Variants in ATP2C1 observed in about 807,000 individuals in gnomAD.
The protein encoded by ATP2C1 is calcium-transporting ATPase type 2C member 1.
Under a neutral mutation model 120.5 loss-of-function variants are expected in ATP2C1, and 31 were observed. The ratio of observed to expected loss-of-function variants is 0.26; its 90% CI spans 0.19 to 0.35. ATP2C1 has a LOEUF of 0.35. ATP2C1 is among the 10% of genes least tolerant of loss of function. The pLI, the probability that ATP2C1 is intolerant of heterozygous loss-of-function variation, is 1.00. For synonymous variants in ATP2C1, 351 were observed against 358.7 expected (o/e 0.98, Z 0.24); for missense variants, 731 against 1,107.5 (o/e 0.66, Z 4.83).
At chr3:130,908,170 A>G (rs1036768897) in intron 2 of ATP2C1, among the ~76,000 whole-genome samples, 2 of 152,156 alleles carry the variant, frequency 1.3e-5, no homozygotes, top group African/African-American at 4.8e-5. Flanking sequence ...AGCAGTAGCT[A>G]TCAGAATAAA....
chr3:130,992,477 A>G (rs2062402424), intron 20 of ATP2C1, among the ~76,000 whole-genome samples: 1 of 152,206 alleles, frequency 6.6e-6, no homozygotes, highest in Non-Finnish European at 1.5e-5. Context: ...AAGAGAGGCT[A>G]ATGAGTTAAC....
At chr3:130,921,033 T>G (rs1158436726) in intron 2 of ATP2C1, among the ~76,000 whole-genome samples, 4 of 152,026 alleles carry the variant, frequency 2.6e-5, no homozygotes, top group Non-Finnish European at 4.4e-5. Flanking sequence ...ACTCAATTTG[T>G]TTATTCTAAC....
chr3:130,941,149 C>T (rs576488341), intron 7 of ATP2C1, among the ~76,000 whole-genome samples: 1 of 151,964 alleles, frequency 6.6e-6, no homozygotes, highest in Non-Finnish European at 1.5e-5. Context: ...CTCCTGACCT[C>T]GTGATCTGCC....
intron 27 of ATP2C1, 63 bp downstream of exon 27, chr3:130,999,722 T>C: frequency 2.1e-6 from 3 of 1,443,910 alleles, no homozygotes; most frequent in Non-Finnish European, 2.9e-6. Flanking sequence ...CTAATGTGTT[T>C]GTTTTAATTT....
At chr3:130,985,140 T>C (rs887526932) in intron 20 of ATP2C1, among the ~76,000 whole-genome samples, 3 of 152,212 alleles carry the variant, frequency 2.0e-5, no homozygotes, top group Admixed American at 6.5e-5. Flanking sequence ...GTACAGTGCT[T>C]ACATACAAAG....
At chr3:130,950,619 A>G (rs563897585) in intron 8 of ATP2C1, among the ~76,000 whole-genome samples, 50 of 152,320 alleles carry the variant, frequency 3.3e-4, no homozygotes, top group Admixed American at 1.4e-3. Context: ...TTCGTATTCA[A>G]CAGATAGTTG....
Position 130,972,203 on chromosome 3 carries a change from A to AG in ATP2C1, c.1413+2809dup, listed in dbSNP as rs566197427. Reference sequence around the variant, plus strand: ...AATCTCAGGCCCTGGCTGACCTGACAGGAGATTGAGCTCAGGCAGTAGTGC... The same window carrying AG: ...AATCTCAGGCCCTGGCTGACCTGACAGGGAGATTGAGCTCAGGCAGTAGTGC... On this transcript the variant is annotated intron_variant, in intron 17 of 27. Coordinates refer to ENST00000510168, the MANE Select transcript of ATP2C1 (RefSeq NM_001378687.1). Among the ~76,000 whole-genome samples, 18 of 152,330 alleles carry AG rather than the reference A, an allele frequency of 1.2e-4. No individual in the cohort carries two copies. In the East Asian group the frequency reaches 3.1e-3, roughly 26 times the overall value.
downstream of ATP2C1, among the ~76,000 whole-genome samples, chr3:131,005,337 C>T (rs2063067351): frequency 6.6e-6 from 1 of 151,944 alleles, no homozygotes; most frequent in African/African-American, 2.4e-5. Context: ...AGGCTGGTCT[C>T]GAACTCCTAA....
intron 2 of ATP2C1, among the ~76,000 whole-genome samples, chr3:130,918,063 T>C (rs559968324): frequency 2.0e-5 from 3 of 152,278 alleles, no homozygotes; most frequent in African/African-American, 4.8e-5. Flanking sequence ...GGATAAGATA[T>C]AGTGCTCCCT....
intron 1 of ATP2C1, among the ~76,000 whole-genome samples, chr3:130,874,083 C>T (rs1232139270): frequency 1.3e-5 from 2 of 149,590 alleles, no homozygotes; most frequent in South Asian, 4.2e-4. Flanking sequence ...GCACTCCTGC[C>T]TGGGTGACAG....
rs540515373 is a variant in ATP2C1 at position 130,959,547 on chromosome 3, T to C, written c.899+206T>C. On this transcript the variant is annotated intron_variant, in intron 12 of 27. Coordinates refer to ENST00000510168, the MANE Select transcript of ATP2C1 (RefSeq NM_001378687.1). Reference sequence around the variant, plus strand: ...ATATGGTAATGAAGAAAACCCATACTAGATGTCTGGAATTACTAATGCATT... The same window carrying C: ...ATATGGTAATGAAGAAAACCCATACCAGATGTCTGGAATTACTAATGCATT... The C allele has an allele frequency of 2.9e-4, 98 of 335,522 alleles. 1 individual carries two copies. The highest frequency in any genetic ancestry group is 1.9e-3 in the African/African-American group (93 of 47,940). The allele number at this position is 335,522 out of a possible 1,614,324, so 20.8% of individuals were successfully genotyped here. A position where few individuals can be genotyped will look rare whatever the true frequency, so the allele number is the denominator to read the frequency against.
chr3:130,948,524 T>C (rs938645082), intron 8 of ATP2C1, among the ~76,000 whole-genome samples: 1 of 152,278 alleles, frequency 6.6e-6, no homozygotes, highest in East Asian at 1.9e-4. Flanking sequence ...TGGATATCTT[T>C]GAGTTTATTA....
At chr3:130,929,990 T>C (rs1009279731) in intron 2 of ATP2C1, 2 of 321,142 alleles carry the variant, frequency 6.2e-6, no homozygotes, top group South Asian at 5.4e-5. Flanking sequence ...GTAGATCAGC[T>C]ATGAGCTGAC....
intron 1 of ATP2C1, among the ~76,000 whole-genome samples, chr3:130,862,742 C>T (rs2068056917): frequency 6.6e-6 from 1 of 152,148 alleles, no homozygotes; most frequent in Non-Finnish European, 1.5e-5. Context: ...ATAACTTAAC[C>T]ATGCACAGGC....
chr3:130,857,252 A>G (rs1234350569), intron 1 of ATP2C1, among the ~76,000 whole-genome samples: 2 of 152,234 alleles, frequency 1.3e-5, no homozygotes, highest in Non-Finnish European at 2.9e-5. Flanking sequence ...GATGCCTGAG[A>G]GTTATCATTG....
intron 1 of ATP2C1, among the ~76,000 whole-genome samples, chr3:130,876,923 A>T (rs768461493): frequency 5.9e-5 from 9 of 152,174 alleles, no homozygotes; most frequent in Non-Finnish European, 8.8e-5. Context: ...TTATTGGCAT[A>T]CAGAAATGCT....
At chr3:130,957,589 C>T (rs1485782400) in intron 11 of ATP2C1, among the ~76,000 whole-genome samples, 1 of 152,108 alleles carries the variant, frequency 6.6e-6, no homozygotes, top group Non-Finnish European at 1.5e-5. Flanking sequence ...TCTTGTTGCT[C>T]AGGCTGAAGT....
chr3:130,918,146 G>C, intron 2 of ATP2C1: 1 of 891,238 alleles, frequency 1.1e-6, no homozygotes, highest in Non-Finnish European at 1.9e-6. Flanking sequence ...TTTTGCAGTA[G>C]TTTAGAAAGA....
chr3:130,861,161 C>T (rs1036948941), intron 1 of ATP2C1, among the ~76,000 whole-genome samples: 2 of 151,998 alleles, frequency 1.3e-5, no homozygotes, highest in South Asian at 2.1e-4. Flanking sequence ...CCTAGTTACT[C>T]GGGAGGCTGA....
Sources: gnomAD v4.1 joint callset for allele counts (sites outside exome capture counted in the v4.1 genomes callset) on GRCh38, gnomAD v4.1.1 for gene constraint, MANE v1.5 for transcripts, NCBI Gene and HGNC (gene_info 2026-07-23, HGNC 2026-07-21) for gene names.